Variants in CSN3 observed in about 807,000 individuals in gnomAD.
CSN3 encodes kappa-casein.
In CSN3, 7 loss-of-function variants were observed where a neutral mutation model predicts 9.9. The observed-to-expected ratio is 0.71, with a 90% CI of 0.40 to 1.33. The LOEUF (loss-of-function observed/expected upper bound fraction) is 1.33. Ranked by LOEUF, CSN3 falls within the 40% of genes most tolerant of loss-of-function variation. The pLI is 0.01. For missense variants in CSN3, 253 were observed against 227.9 expected (o/e 1.11, Z -0.71); for synonymous variants, 88 against 82.3 (o/e 1.07, Z -0.37).
chr4:70,249,608 C>T (rs1447191030), intron 4 of CSN3, 115 bp downstream of exon 4: 1 of 675,528 alleles, frequency 1.5e-6, no homozygotes, highest in Non-Finnish European at 2.4e-6. Flanking sequence ...CAGAAGCAGA[C>T]AAAACAGGGT....
upstream of CSN3, among the ~76,000 whole-genome samples, chr4:70,240,289 C>T (rs1730247854): frequency 6.6e-6 from 1 of 151,938 alleles, no homozygotes; most frequent in African/African-American, 2.4e-5. Flanking sequence ...CCACAATAGC[C>T]TCTTACCCAG....
chr4:70,242,288 AT>A, upstream of CSN3, among the ~76,000 whole-genome samples: 1 of 79,288 alleles, frequency 1.3e-5, no homozygotes, highest in Non-Finnish European at 2.8e-5. Context: ...TTTTTATTTT[AT>A]TTTATTTTAT....
chr4:70,248,833 A>T (rs1402022038), intron 3 of CSN3, among the ~76,000 whole-genome samples, 165 bp from the exon 4 acceptor site: 1 of 151,980 alleles, frequency 6.6e-6, no homozygotes, highest in African/African-American at 2.4e-5. Context: ...GTGGAAAGGC[A>T]ATGTACAAAT....
At chr4:70,247,032 G>A (rs780420397) in intron 2 of CSN3, among the ~76,000 whole-genome samples, 1 of 152,026 alleles carries the variant, frequency 6.6e-6, no homozygotes, top group African/African-American at 2.4e-5. Context: ...GCAAGTCTTT[G>A]TCTCAAAGCA....
At chr4:70,249,691 A>AT (rs1730448620) in intron 4 of CSN3, among the ~76,000 whole-genome samples, 198 bp downstream of exon 4, 1 of 152,190 alleles carries the variant, frequency 6.6e-6, no homozygotes, top group African/African-American at 2.4e-5. Flanking sequence ...ATTTAAAATA[A>AT]TTTTATTTGA....
upstream of CSN3, among the ~76,000 whole-genome samples, chr4:70,239,561 G>C (rs1730232156): frequency 6.6e-6 from 1 of 151,920 alleles, no homozygotes; most frequent in South Asian, 2.1e-4. Context: ...TAATGTGTGT[G>C]CTAATGCTAA....
chr4:70,242,164 AT>A (rs1463833182), upstream of CSN3, among the ~76,000 whole-genome samples: 2 of 134,222 alleles, frequency 1.5e-5, no homozygotes, highest in African/African-American at 5.9e-5. Flanking sequence ...TACAATTAAT[AT>A]TTTTAAAAAT....
chr4:70,248,690 T>G (rs1305257040), intron 3 of CSN3, among the ~76,000 whole-genome samples: 4 of 152,088 alleles, frequency 2.6e-5, no homozygotes, highest in African/African-American at 9.7e-5. Context: ...ATAGCTAACA[T>G]ATAAGATCAC....
chr4:70,248,367 T>C (rs965398742), intron 3 of CSN3, among the ~76,000 whole-genome samples: 12 of 152,294 alleles, frequency 7.9e-5, no homozygotes, highest in Non-Finnish European at 1.8e-4. Flanking sequence ...TACTGACAAA[T>C]TTTTAAACAG....
chr4:70,243,685 C>G (rs1192061107), intron 1 of CSN3, among the ~76,000 whole-genome samples: 1 of 151,960 alleles, frequency 6.6e-6, no homozygotes, highest in Non-Finnish European at 1.5e-5. Context: ...ACTTCCTAAA[C>G]ATAATATATA....
upstream of CSN3, among the ~76,000 whole-genome samples, chr4:70,241,360 C>T (rs1290814306): frequency 6.6e-6 from 1 of 151,856 alleles, no homozygotes; most frequent in African/African-American, 2.4e-5. Context: ...CTGTGTAATC[C>T]AAATAAGTAT....
At chr4:70,249,053 T>A (rs1466766286) in exon 4 of CSN3, 1 of 1,613,544 alleles carries the variant, frequency 6.2e-7, no homozygotes, top group East Asian at 2.2e-5. Context: ...TATGTCCCAA[T>A]GTATTATGTG....
upstream of CSN3, among the ~76,000 whole-genome samples, chr4:70,239,864 G>A (rs1483261437): frequency 6.6e-6 from 1 of 151,768 alleles, no homozygotes; most frequent in Admixed American, 6.6e-5. Flanking sequence ...TTTTTTCCAT[G>A]GTTTTTACAT....
rs181566126 is a variant in CSN3 at position 70,245,308 on chromosome 4, A to G, written c.54+435A>G. On this transcript the variant is annotated intron_variant, in intron 2 of 4. Coordinates refer to ENST00000304954, the Ensembl canonical transcript of CSN3. ...TCTCTTTATGGAAACAAAATCCTTC[A>G]AAGGTCAACTTTGGTTAAGCTTTTT... Among the ~76,000 whole-genome samples the G allele has an allele frequency of 1.2e-3, 185 of 152,272 alleles. No homozygotes were observed. The Middle Eastern group carries it at 0.014, about 11-fold the overall frequency.
intron 2 of CSN3, among the ~76,000 whole-genome samples, chr4:70,245,612 G>C (rs2109695864): frequency 6.6e-6 from 1 of 152,014 alleles, no homozygotes; most frequent in South Asian, 2.1e-4. Flanking sequence ...GGGTATTCTA[G>C]GCACTGACAA....
In CSN3 at chr4:70,249,504, A is replaced by C; in HGVS notation, c.*34+11A>C. The C allele has an allele frequency of 1.4e-6, 2 of 1,442,572 alleles. No homozygotes were observed. Among genetic ancestry groups the C allele is most frequent in the Non-Finnish European group, 1.9e-6 (2 of 1,042,192 alleles). 89.4% of individuals were successfully genotyped at this position (1,442,572 alleles called of 1,614,324 possible). On this transcript the variant is annotated intron_variant, in intron 4 of 4. Coordinates refer to ENST00000304954, the Ensembl canonical transcript of CSN3. Reference sequence around the variant, plus strand: ...AAGAACACAACGCAGGTAAATTAACAGTATATAAAATGAGTAATTCCGACA... The same window carrying C: ...AAGAACACAACGCAGGTAAATTAACCGTATATAAAATGAGTAATTCCGACA...
chr4:70,242,327 ATACT>A (rs1483372150), upstream of CSN3, among the ~76,000 whole-genome samples: 1 of 112,090 alleles, frequency 8.9e-6, no homozygotes, highest in African/African-American at 2.8e-5. Flanking sequence ...TATTTTTATT[ATACT>A]TTAAGTTTTA....
At chr4:70,250,206 C>G (rs180886735) in intron 4 of CSN3, among the ~76,000 whole-genome samples, 1 of 152,146 alleles carries the variant, frequency 6.6e-6, no homozygotes, top group African/African-American at 2.4e-5. Context: ...AGAATTTAAA[C>G]AAAGAGAATG....
At chr4:70,248,449 C>T (rs928089656) in intron 3 of CSN3, among the ~76,000 whole-genome samples, 2 of 152,104 alleles carry the variant, frequency 1.3e-5, no homozygotes, top group African/African-American at 4.8e-5. Flanking sequence ...AATCCAAAAT[C>T]TAAATCCAGG....
Sources: gnomAD v4.1 joint callset for allele counts (sites outside exome capture counted in the v4.1 genomes callset) on GRCh38, gnomAD v4.1.1 for gene constraint, MANE v1.5 for transcripts, NCBI Gene and HGNC (gene_info 2026-07-23, HGNC 2026-07-21) for gene names.